The following VTA1 variants were observed in gnomAD, a reference collection of about 807,000 sequenced individuals.
The protein encoded by VTA1 is vesicle trafficking 1.
A neutral mutation model predicts 36.9 loss-of-function variants in VTA1; 24 were observed. The observed-to-expected ratio is 0.65, with a 90% CI of 0.47 to 0.91. The LOEUF is 0.91. Ranked by LOEUF, VTA1 falls within the 40% of genes least tolerant of loss-of-function variation. VTA1 has a pLI of 0.00. For synonymous variants in VTA1, 142 were observed against 130.2 expected (o/e 1.09, Z -0.62); for missense variants, 393 against 377.2 (o/e 1.04, Z -0.35).
chr6:142,198,456 G>C lies in VTA1; in HGVS notation c.538G>C (p.Asp180His), dbSNP rs112205292. 5 of 1,613,824 alleles carry C rather than the reference G, an allele frequency of 3.1e-6. No homozygotes were observed. In the African/African-American group the frequency reaches 4.0e-5, roughly 13 times the overall value. The change falls in exon 6 of 8, where the codon GAT becomes CAT. Residue 180 changes from aspartate (D) to histidine (H), a missense_variant. Physicochemically the swap from Asp to His is moderately conservative, Grantham distance 81 (BLOSUM62 -1). Coordinates refer to ENST00000367630, the MANE Select transcript of VTA1 (RefSeq NM_016485.5). ...EEDNDIEENE[D>H]AGAASLPTQP... ...TCTGATAGATATTGAAGAAAATGAA[G>C]ATGCTGGAGCAGCCTCTCTGCCCAC... is the stretch of plus-strand genomic sequence containing the variant.
intron 1 of VTA1, among the ~76,000 whole-genome samples, chr6:142,164,062 T>C (rs1034077260): frequency 1.3e-5 from 2 of 152,098 alleles, no homozygotes; most frequent in African/African-American, 4.8e-5. Context: ...TTGGCTCTCT[T>C]AGGGGAATAT....
chr6:142,200,709 A>G (rs1012205856), intron 6 of VTA1, among the ~76,000 whole-genome samples: 1 of 152,008 alleles, frequency 6.6e-6, no homozygotes, highest in Non-Finnish European at 1.5e-5. Flanking sequence ...GTTTTCCATT[A>G]GAAAGTTTTT....
intron 6 of VTA1, among the ~76,000 whole-genome samples, chr6:142,202,810 AC>A (rs1273890251): frequency 2.0e-5 from 3 of 151,862 alleles, no homozygotes; most frequent in Non-Finnish European, 4.4e-5. Context: ...ATTTTTTTGT[AC>A]TATATAAAAT....
chr6:142,189,392 A>C, intron 4 of VTA1, 34 bp from the exon 5 acceptor site: 1 of 1,498,004 alleles, frequency 6.7e-7, no homozygotes, highest in East Asian at 2.3e-5. Context: ...TCTTTACCAT[A>C]GTCCAATGTT....
At chr6:142,188,176 T>A (rs1775381473) in intron 4 of VTA1, among the ~76,000 whole-genome samples, 1 of 150,562 alleles carries the variant, frequency 6.6e-6, no homozygotes, top group African/African-American at 2.4e-5. Context: ...CCCAAAGTGC[T>A]AGGATTACAG....
At chr6:142,199,718 G>A (rs528879547) in intron 6 of VTA1, among the ~76,000 whole-genome samples, 44 of 151,966 alleles carry the variant, frequency 2.9e-4, no homozygotes, top group African/African-American at 7.7e-4. Context: ...TATTGCTAAC[G>A]TTTTCTTTAA....
chr6:142,184,321 T>C (rs968077473), intron 4 of VTA1, among the ~76,000 whole-genome samples: 5 of 152,164 alleles, frequency 3.3e-5, no homozygotes, highest in Admixed American at 2.0e-4. Context: ...TTCAGTAAAT[T>C]ACTTTACTTT....
At chr6:142,181,094 A>ATATATATATAT (rs1554219841) in intron 4 of VTA1, among the ~76,000 whole-genome samples, 10 of 36,442 alleles carry the variant, frequency 2.7e-4, no homozygotes, top group African/African-American at 5.3e-4. Context: ...AAAAAAAAAA[A>ATATATATATAT]ATATATATAT....
intron 4 of VTA1, among the ~76,000 whole-genome samples, chr6:142,176,779 A>G (rs1424382733): frequency 1.3e-5 from 2 of 152,186 alleles, no homozygotes; most frequent in Non-Finnish European, 2.9e-5. Context: ...TGTTGTCACA[A>G]ACTCGTAAGC....
intron 1 of VTA1, among the ~76,000 whole-genome samples, chr6:142,157,063 C>G (rs567002098): frequency 4.6e-5 from 7 of 152,302 alleles, no homozygotes; most frequent in African/African-American, 1.7e-4. Context: ...ACTCAGGAGG[C>G]TGAGGCAGAA....
intron 7 of VTA1, among the ~76,000 whole-genome samples, chr6:142,204,642 TATTTAATCCTTTTATATTTAAA>T (rs1775754282): frequency 6.6e-6 from 1 of 151,370 alleles, no homozygotes; most frequent in Non-Finnish European, 1.5e-5. Flanking sequence ...TGTCAGATGA[TATTTAATCCTTTTATATTTAAA>T]AGGATTTAAA....
In VTA1 at chr6:142,224,547, G is replaced by A. The variant is rs951702746; in HGVS notation, c.*5904G>A. The A allele has an allele frequency of 6.6e-6, 1 of 152,020 alleles. No individual in the cohort carries two copies. The highest frequency in any genetic ancestry group is 6.6e-5 in the Admixed American group (1 of 15,254). 9.4% of individuals were successfully genotyped at this position (152,020 alleles called of 1,614,324 possible). A position where few individuals can be genotyped will look rare whatever the true frequency, so the allele number is the denominator to read the frequency against. ...TCCCTCATTAGATGCTAAGTTCCTT[G>A]ATATTTTATACATTTGTGAATTCCT... On this transcript the variant is annotated 3_prime_UTR_variant, in exon 8 of 8. Coordinates refer to ENST00000367630, the MANE Select transcript of VTA1 (RefSeq NM_016485.5).
chr6:142,154,154 C>G (rs994184018), intron 1 of VTA1, among the ~76,000 whole-genome samples: 2 of 147,108 alleles, frequency 1.4e-5, no homozygotes, highest in East Asian at 3.9e-4. Flanking sequence ...CCTGCCTTCT[C>G]CTTTTCGCTA....
At chr6:142,150,946 C>A (rs190987004) in intron 1 of VTA1, among the ~76,000 whole-genome samples, 1 of 151,362 alleles carries the variant, frequency 6.6e-6, no homozygotes, top group Admixed American at 6.6e-5. Context: ...ATGAAAGGTT[C>A]CAAAAGAGCA....
At chr6:142,173,671 T>G (rs1039744325) in intron 4 of VTA1, among the ~76,000 whole-genome samples, 1 of 152,166 alleles carries the variant, frequency 6.6e-6, no homozygotes, top group Admixed American at 6.5e-5. Flanking sequence ...AACTCTTAAG[T>G]GAGTAATAGG....
At chr6:142,187,539 TGAACTATACAGAAAA>T (rs1775362432) in intron 4 of VTA1, among the ~76,000 whole-genome samples, 1 of 152,136 alleles carries the variant, frequency 6.6e-6, no homozygotes, top group Admixed American at 6.5e-5. Flanking sequence ...CTGGAGAATA[TGAACTATACAGAAAA>T]GAAATATACC....
chr6:142,216,464 CTA>C (rs1432294269), intron 7 of VTA1, among the ~76,000 whole-genome samples: 4 of 151,984 alleles, frequency 2.6e-5, no homozygotes, highest in Non-Finnish European at 5.9e-5. Flanking sequence ...ATAAATATCT[CTA>C]TATGTTTATA....
chr6:142,153,334 A>G (rs1778602964), intron 1 of VTA1, among the ~76,000 whole-genome samples: 1 of 151,832 alleles, frequency 6.6e-6, no homozygotes, highest in African/African-American at 2.4e-5. Flanking sequence ...ACTATACAGT[A>G]ATTCATAGCT....
intron 1 of VTA1, among the ~76,000 whole-genome samples, chr6:142,147,621 A>C (rs1582870928): frequency 6.6e-6 from 1 of 152,234 alleles, no homozygotes; most frequent in African/African-American, 2.4e-5. Flanking sequence ...TAAATGCTCC[A>C]GTACTGACTA....
Sources: gnomAD v4.1 joint callset for allele counts (sites outside exome capture counted in the v4.1 genomes callset) on GRCh38, gnomAD v4.1.1 for gene constraint, MANE v1.5 for transcripts, NCBI Gene and HGNC (gene_info 2026-07-23, HGNC 2026-07-21) for gene names.